The following EIF4E1B variants were observed in gnomAD, a reference collection of about 807,000 sequenced individuals.
EIF4E1B encodes eukaryotic translation initiation factor 4E type 1B.
In EIF4E1B, 22 loss-of-function variants were observed where a neutral mutation model predicts 31.3. The observed-to-expected ratio is 0.70, with a 90% CI of 0.50 to 1.00. EIF4E1B has a LOEUF of 1.00. Ranked by LOEUF, EIF4E1B falls within the 50% of genes least tolerant of loss-of-function variation. The pLI, the probability that EIF4E1B is intolerant of heterozygous loss-of-function variation, is 0.00. For missense variants in EIF4E1B, 290 were observed against 311.6 expected (o/e 0.93, Z 0.52); for synonymous variants, 126 against 120.2 (o/e 1.05, Z -0.31).
At position 176,633,241 on chromosome 5, in the gene EIF4E1B, GT is replaced by G. The variant is rs142853709; in HGVS notation, c.-202+2181del. Reference sequence around the variant, plus strand: ...TGTTTGTTTGTTTGTTTGTTTGTTTGTTTTAAGAGATAAGGTTTCACTGTAT... The same window carrying G: ...TGTTTGTTTGTTTGTTTGTTTGTTTGTTTAAGAGATAAGGTTTCACTGTAT... On this transcript the variant is annotated intron_variant, in intron 1 of 8. Transcript: ENST00000318682. 7.2e-3 allele frequency among the ~76,000 whole-genome samples: 1,023 copies of G among 142,712 alleles called. 13 individuals carry two copies. Among genetic ancestry groups the G allele is most frequent in the African/African-American group, 0.025 (975 of 38,612 alleles). 93.6% of individuals were successfully genotyped at this position (142,712 alleles called of 152,430 possible). A position where few individuals can be genotyped will look rare whatever the true frequency, so the allele number is the denominator to read the frequency against.
intron 1 of EIF4E1B, among the ~76,000 whole-genome samples, chr5:176,640,459 A>G (rs1268066402): frequency 6.6e-6 from 1 of 152,254 alleles, no homozygotes. Flanking sequence ...GCAGCAATAG[A>G]TAAGTGGGAC....
At chr5:176,631,687 C>T (rs1013304231) in intron 1 of EIF4E1B, among the ~76,000 whole-genome samples, 2 of 149,570 alleles carry the variant, frequency 1.3e-5, no homozygotes, top group African/African-American at 4.9e-5. Flanking sequence ...ACCAACCAAA[C>T]AAAAAACATT....
In EIF4E1B at chr5:176,645,002, G is replaced by A. The variant is rs554928072; in HGVS notation, c.361-128G>A. 150 of 793,254 alleles carry A rather than the reference G, an allele frequency of 1.9e-4. 1 individual carries two copies. In the African/African-American group the frequency reaches 2.4e-3, roughly 13 times the overall value. The allele number at this position is 793,254 out of a possible 1,614,324, so 49.1% of individuals were successfully genotyped here. A position where few individuals can be genotyped will look rare whatever the true frequency, so the allele number is the denominator to read the frequency against. ...GGGGGTGGAACCTGCTTGCACTGAG[G>A]GAAGGGAGGATAAGAGAATCTGGCC... On this transcript the variant is annotated intron_variant, in intron 6 of 8. Transcript: ENST00000318682. This position sits in a 1 kb window ranked among gnomAD's most constrained non-coding sequence, Gnocchi z 5.4.
chr5:176,644,353 A>G (rs775503899), intron 5 of EIF4E1B, 23 bp from the exon 6 acceptor site: 3 of 1,575,928 alleles, frequency 1.9e-6, no homozygotes, highest in Non-Finnish European at 2.6e-6. Flanking sequence ...GACTTTTGGC[A>G]TGGGGTCGGG....
chr5:176,642,610 T>C, intron 2 of EIF4E1B, 100 bp from the exon 3 acceptor site: 1 of 994,288 alleles, frequency 1.0e-6, no homozygotes, highest in Non-Finnish European at 1.4e-6. Context: ...GCTTCTGCCA[T>C]CGGCAGGGCC....
intron 2 of EIF4E1B, among the ~76,000 whole-genome samples, 172 bp downstream of exon 2, chr5:176,642,337 C>G (rs1346010071): frequency 6.6e-6 from 1 of 152,208 alleles, no homozygotes; most frequent in Non-Finnish European, 1.5e-5. Flanking sequence ...GATGATTAAA[C>G]TTTTAAAAAA....
At chr5:176,643,533 T>C in intron 4 of EIF4E1B, 106 bp from the exon 5 acceptor site, 5 of 1,096,228 alleles carry the variant, frequency 4.6e-6, no homozygotes, top group Middle Eastern at 2.0e-4. Flanking sequence ...AAATCTCATC[T>C]CCCAGTTCGC....
In EIF4E1B at chr5:176,645,316, G is replaced by A. The variant is rs1760672778; in HGVS notation, c.475-61G>A. The A allele has an allele frequency of 6.4e-7, 1 of 1,567,982 alleles. No individual in the cohort carries two copies. The highest frequency in any genetic ancestry group is 8.7e-7 in the Non-Finnish European group (1 of 1,152,314). ...GTCTCATGGTGGCAGTGGTCTCAAG[G>A]ATGGCAGGCCAGTCCCTATGTCCCA... On this transcript the variant is annotated intron_variant, in intron 7 of 8. Transcript: ENST00000318682. This position sits in a 1 kb window ranked among gnomAD's most constrained non-coding sequence, Gnocchi z 5.4.
intron 5 of EIF4E1B, chr5:176,644,117 C>T (rs912850038): frequency 1.9e-5 from 11 of 573,162 alleles, no homozygotes; most frequent in Non-Finnish European, 3.1e-5. Flanking sequence ...GAGAAGGCCT[C>T]GGCTGTAGCT....
intron 6 of EIF4E1B, 136 bp downstream of exon 6, chr5:176,644,575 C>A: frequency 9.8e-7 from 1 of 1,021,934 alleles, no homozygotes; most frequent in Non-Finnish European, 1.4e-6. Flanking sequence ...TGGTTTCTGA[C>A]TGGAGGAAAT....
chr5:176,634,226 A>G (rs1760457630), intron 1 of EIF4E1B, among the ~76,000 whole-genome samples: 1 of 152,106 alleles, frequency 6.6e-6, no homozygotes, highest in Non-Finnish European at 1.5e-5. Context: ...ACACTAGGGT[A>G]TCTGAGCCCA....
chr5:176,643,392 G>A, intron 4 of EIF4E1B, 126 bp downstream of exon 4: 2 of 1,253,408 alleles, frequency 1.6e-6, no homozygotes, highest in Non-Finnish European at 1.1e-6. Flanking sequence ...GGCCAGGGCT[G>A]ACCTAAGCCT....
intron 4 of EIF4E1B, 69 bp from the exon 5 acceptor site, chr5:176,643,570 A>C: frequency 6.9e-7 from 1 of 1,457,336 alleles, no homozygotes; most frequent in South Asian, 1.2e-5. Flanking sequence ...CCTCCCTGTC[A>C]GTCCAGGTGC....
chr5:176,642,865 C>CCCCCGG lies in EIF4E1B; in HGVS notation c.15+63_15+64insCCCCGG. On this transcript the variant is annotated intron_variant, in intron 3 of 8. Coordinates refer to ENST00000318682, the MANE Select transcript of EIF4E1B (RefSeq NM_001099408.2). ...GCCCCGCCCTCTCCCCCCCCCCCCC[C>CCCCCGG]GCCCCAGGTGGGCGGGGCAGGTGCT... 46 of 1,169,730 alleles carry CCCCCGG rather than the reference C, an allele frequency of 3.9e-5. 2 individuals are homozygous for CCCCCGG. Among genetic ancestry groups the CCCCCGG allele is most frequent in the Non-Finnish European group, 5.1e-5 (46 of 907,360 alleles). The allele number at this position is 1,169,730 out of a possible 1,614,324, so 72.5% of individuals were successfully genotyped here.
Position 176,645,998 on chromosome 5 carries a change from C to G in EIF4E1B, c.*18C>G. The stretch of plus-strand genomic sequence containing the variant: ...TGGTGTGAGGGGGGCCTTGGCACCC[C>G]TCCTATGTAATGGGACAGCCGCCAC... On this transcript the variant is annotated 3_prime_UTR_variant, in exon 9 of 9. Transcript: ENST00000318682. This position sits in a 1 kb window ranked among gnomAD's most constrained non-coding sequence, Gnocchi z 5.4. 1.3e-6 allele frequency: 2 copies of G among 1,576,656 alleles called. No homozygotes were observed. The highest frequency in any genetic ancestry group is 1.7e-6 in the Non-Finnish European group (2 of 1,160,926).
At chr5:176,631,889 T>C (rs1760399809) in intron 1 of EIF4E1B, among the ~76,000 whole-genome samples, 1 of 152,040 alleles carries the variant, frequency 6.6e-6, no homozygotes, top group Admixed American at 6.5e-5. Flanking sequence ...TGTTTTTTTG[T>C]AGCAAAAAAC....
Position 176,645,380 on chromosome 5 carries a change from C to T in EIF4E1B, c.478C>T (p.Leu160=). The T allele has an allele frequency of 6.5e-7, 1 of 1,532,232 alleles. No individual in the cohort carries two copies. Among genetic ancestry groups the T allele is most frequent in the Non-Finnish European group, 8.8e-7 (1 of 1,137,188 alleles). 94.9% of individuals were successfully genotyped at this position (1,532,232 alleles called of 1,614,324 possible). ...CAACCCCCTACTTCGGGTCCAGCTG[C>T]TGTGTCTGATCGGGGAGAGCTTTGA... ...ELDRLWLETL[L]CLIGESFEEH... Residue 160 remains leucine (L), a synonymous_variant, in exon 8 of 9, where the codon CTG becomes TTG. Transcript: ENST00000318682. This position sits in a 1 kb window ranked among gnomAD's most constrained non-coding sequence, Gnocchi z 5.4.
chr5:176,642,934 T>A (rs938488341), intron 3 of EIF4E1B, 132 bp downstream of exon 3: 15 of 1,417,114 alleles, frequency 1.1e-5, no homozygotes, highest in Non-Finnish European at 1.4e-5. Context: ...AGATGCTGGG[T>A]CCTCCATGGA....
chr5:176,645,005 A>C lies in EIF4E1B; in HGVS notation c.361-125A>C, dbSNP rs1393062136. 1 of 791,136 alleles carries C rather than the reference A, an allele frequency of 1.3e-6. No homozygotes were observed. The highest frequency in any genetic ancestry group is 2.0e-6 in the Non-Finnish European group (1 of 491,364). 49.0% of individuals were successfully genotyped at this position (791,136 alleles called of 1,614,324 possible). ...GGTGGAACCTGCTTGCACTGAGGGA[A>C]GGGAGGATAAGAGAATCTGGCCTAC... is the stretch of plus-strand genomic sequence containing the variant. On this transcript the variant is annotated intron_variant, in intron 6 of 8. Coordinates refer to ENST00000318682, the MANE Select transcript of EIF4E1B (RefSeq NM_001099408.2). The surrounding 1 kb of genome is among the most constrained non-coding windows in gnomAD (Gnocchi z 5.4).
Sources: allele counts gnomAD v4.1 joint callset (sites outside exome capture counted in the v4.1 genomes callset), GRCh38; gene constraint gnomAD v4.1.1; non-coding constraint Gnocchi (gnomAD v3.1); transcripts MANE v1.5; gene names NCBI Gene and HGNC (gene_info 2026-07-23, HGNC 2026-07-21).